Variants in CNTNAP2 observed in about 807,000 individuals in gnomAD.
CNTNAP2 encodes the protein contactin associated protein 2.
Under a neutral mutation model 155.2 loss-of-function variants are expected in CNTNAP2, and 98 were observed. That is an observed-to-expected ratio of 0.63 (90% confidence interval 0.54 to 0.75). The LOEUF (loss-of-function observed/expected upper bound fraction) is 0.75, where lower values mean the gene tolerates loss of function less well. Among genes scored for constraint, CNTNAP2 ranks in the 30% least tolerant of loss-of-function variants. The probability of loss-of-function intolerance (pLI) is 0.00; values close to 1 mark genes in which losing one functional copy is unlikely to be tolerated. For synonymous variants in CNTNAP2, 651 were observed against 631.2 expected (o/e 1.03, Z -0.47); for missense variants, 1,727 against 1,688.1 (o/e 1.02, Z -0.40).
chr7:146,841,546 A>G, intron 3 of CNTNAP2, among the ~76,000 whole-genome samples: 1 of 151,978 alleles, frequency 6.6e-6, no homozygotes, highest in East Asian at 1.9e-4. Context: ...TGTTGGTAAA[A>G]TTGCTTGAGG....
intron 1 of CNTNAP2, among the ~76,000 whole-genome samples, chr7:146,752,856 C>T (rs957070060): frequency 6.6e-6 from 1 of 152,152 alleles, no homozygotes; most frequent in African/African-American, 2.4e-5. Context: ...GTTATTCTAG[C>T]ACCAAATTCC....
intron 1 of CNTNAP2, among the ~76,000 whole-genome samples, chr7:146,180,556 G>T (rs148308155): frequency 6.6e-6 from 1 of 151,768 alleles, no homozygotes; most frequent in Non-Finnish European, 1.5e-5. Flanking sequence ...TTTTAACCTA[G>T]TATATTAAAA....
chr7:147,798,803 G>A (rs1298108965), intron 13 of CNTNAP2, among the ~76,000 whole-genome samples: 2 of 152,254 alleles, frequency 1.3e-5, no homozygotes, highest in Non-Finnish European at 2.9e-5. Flanking sequence ...TAGAGGAGTC[G>A]ATTTTGGGGG....
chr7:146,850,001 C>T (rs6955151), intron 3 of CNTNAP2, among the ~76,000 whole-genome samples: 31,346 of 152,088 alleles, frequency 0.21, 3,517 homozygotes, highest in Admixed American at 0.33. Flanking sequence ...ATACTGTTTT[C>T]CAGGTAGCTA....
intron 3 of CNTNAP2, among the ~76,000 whole-genome samples, chr7:147,031,719 A>C (rs889333538): frequency 6.6e-6 from 1 of 152,212 alleles, no homozygotes; most frequent in Non-Finnish European, 1.5e-5. Context: ...GGAGTTCCAG[A>C]CCAGCCTGGG....
At chr7:148,060,088 G>C (rs1278745727) in intron 15 of CNTNAP2, among the ~76,000 whole-genome samples, 1 of 151,998 alleles carries the variant, frequency 6.6e-6, no homozygotes, top group Non-Finnish European at 1.5e-5. Flanking sequence ...CACTCATTTT[G>C]ACTATTTCAA....
chr7:147,321,601 G>C (rs1394708899), intron 9 of CNTNAP2, among the ~76,000 whole-genome samples: 1 of 152,108 alleles, frequency 6.6e-6, no homozygotes, highest in Non-Finnish European at 1.5e-5. Context: ...CTCTCCTGGA[G>C]ACTTTGCTAA....
intron 13 of CNTNAP2, among the ~76,000 whole-genome samples, chr7:147,756,544 T>A (rs936954203): frequency 2.6e-5 from 4 of 152,166 alleles, no homozygotes; most frequent in African/African-American, 9.7e-5. Flanking sequence ...AAGTTAATCA[T>A]GGTCTAAGGA....
intron 14 of CNTNAP2, among the ~76,000 whole-genome samples, chr7:147,916,414 T>C (rs13438769): frequency 0.14 from 21,974 of 152,034 alleles, 1,814 homozygotes; most frequent in African/African-American, 0.22. Context: ...CCAAATAATA[T>C]TGATGACAGC....
chr7:147,425,460 A>G (rs141819339), intron 10 of CNTNAP2, among the ~76,000 whole-genome samples: 150 of 147,132 alleles, frequency 1.0e-3, no homozygotes, highest in Admixed American at 1.7e-3. Context: ...CTGTAAGAAA[A>G]CTCACTCAAC....
chr7:148,161,669 C>CCGTT (rs1398170008), intron 17 of CNTNAP2, among the ~76,000 whole-genome samples: 2 of 152,088 alleles, frequency 1.3e-5, no homozygotes, highest in Non-Finnish European at 2.9e-5. Flanking sequence ...CTCTCACTAC[C>CCGTT]CGTTCCTCCA....
At chr7:146,937,030 T>G (rs966439212) in intron 3 of CNTNAP2, among the ~76,000 whole-genome samples, 6 of 152,182 alleles carry the variant, frequency 3.9e-5, no homozygotes, top group African/African-American at 1.2e-4. Context: ...AAAGCTTCAT[T>G]TAATTTATTT....
intron 8 of CNTNAP2, among the ~76,000 whole-genome samples, chr7:147,148,157 G>A (rs1482974949): frequency 1.3e-5 from 2 of 151,914 alleles, no homozygotes; most frequent in South Asian, 2.1e-4. Flanking sequence ...TTGGGAGGCC[G>A]AGGCGGGCGG....
At chr7:146,698,327 T>A (rs1330859294) in intron 1 of CNTNAP2, among the ~76,000 whole-genome samples, 1 of 152,158 alleles carries the variant, frequency 6.6e-6, no homozygotes, top group Non-Finnish European at 1.5e-5. Flanking sequence ...TTAATATTTT[T>A]TAAAAGGGAG....
chr7:147,388,060 G>A, intron 9 of CNTNAP2, among the ~76,000 whole-genome samples: 1 of 151,990 alleles, frequency 6.6e-6, no homozygotes. Flanking sequence ...GCAGACTCTT[G>A]GATTCCTACT....
chr7:148,314,536 G>A (rs1797652689), intron 21 of CNTNAP2, among the ~76,000 whole-genome samples: 1 of 152,094 alleles, frequency 6.6e-6, no homozygotes, highest in Admixed American at 6.6e-5. Flanking sequence ...GTGGAAGCTT[G>A]CCCATAGTGA....
chr7:148,202,170 C>A (rs1795379644), intron 18 of CNTNAP2, among the ~76,000 whole-genome samples: 1 of 152,072 alleles, frequency 6.6e-6, no homozygotes, highest in African/African-American at 2.4e-5. Context: ...CTCTCTCCTG[C>A]CACTGGAAGG....
chr7:146,761,087 G>A (rs992187380), intron 1 of CNTNAP2, among the ~76,000 whole-genome samples: 4 of 152,062 alleles, frequency 2.6e-5, no homozygotes, highest in Middle Eastern at 3.2e-3. Flanking sequence ...CTGTTCTGTA[G>A]ATTCAATGAT....
At chr7:147,977,175 G>A (rs11766926) in intron 14 of CNTNAP2, among the ~76,000 whole-genome samples, 53,959 of 151,974 alleles carry the variant, frequency 0.36, 9,844 homozygotes, top group East Asian at 0.58. Flanking sequence ...AACTAGCCTT[G>A]TCTTTCCTCC....
Sources: allele counts gnomAD v4.1 joint callset (sites outside exome capture counted in the v4.1 genomes callset), GRCh38; gene constraint gnomAD v4.1.1; transcripts MANE v1.5; gene names NCBI Gene and HGNC (gene_info 2026-07-23, HGNC 2026-07-21).